The following LRP8 variants were observed in gnomAD, a reference collection of about 807,000 sequenced individuals.
LRP8 encodes low-density lipoprotein receptor-related protein 8.
In LRP8, 46 loss-of-function variants were observed where a neutral mutation model predicts 111.6. That is an observed-to-expected ratio of 0.41 (90% CI 0.33 to 0.53). The LOEUF (loss-of-function observed/expected upper bound fraction) is 0.53. Among genes scored for constraint, LRP8 ranks in the 20% least tolerant of loss-of-function variants. The pLI, the probability that LRP8 is intolerant of heterozygous loss-of-function variation, is 0.20. For synonymous variants in LRP8, 464 were observed against 511.2 expected, an observed-to-expected ratio of 0.91 and a Z score of 1.24; for missense variants, 959 against 1,297.4, an observed-to-expected ratio of 0.74 and a Z score of 4.01.
In LRP8 at chr1:53,250,575, G is replaced by T; in HGVS notation, c.2676+115C>A. ...GGAAGGAAAGGAGGGAGGGAAGGAC[G>T]GAAGGAAGGAAGGGAGGGAAGAAAG... On this transcript the variant is annotated intron_variant, in intron 17 of 18. Transcript: ENST00000306052. The surrounding 1 kb of genome is among the most constrained non-coding windows in gnomAD (Gnocchi z 4.6). 1 of 852,286 alleles carries T rather than the reference G, an allele frequency of 1.2e-6. No homozygotes were observed. The highest frequency in any genetic ancestry group is 1.8e-6 in the Non-Finnish European group (1 of 542,444). 52.8% of individuals were successfully genotyped at this position (852,286 alleles called of 1,614,324 possible).
chr1:53,277,641 C>T (rs547143984), intron 4 of LRP8, among the ~76,000 whole-genome samples: 1 of 152,184 alleles, frequency 6.6e-6, no homozygotes, highest in African/African-American at 2.4e-5. Flanking sequence ...AGCCTTTACT[C>T]AAGTTGCTCC....
chr1:53,327,528 C>T (rs1655310174), intron 1 of LRP8: 5 of 401,028 alleles, frequency 1.2e-5, no homozygotes, highest in East Asian at 4.4e-5. Flanking sequence ...GCCGCCCCTC[C>T]GGCAAAGTTC....
rs188057633 is a variant in LRP8 at position 53,279,912 on chromosome 1, C to A, written c.496+675G>T. Among the ~76,000 whole-genome samples, 724 of 152,374 alleles carry A rather than the reference C, an allele frequency of 4.8e-3. 2 individuals are homozygous for A. Among genetic ancestry groups the A allele is most frequent in the Admixed American group, 6.5e-3 (99 of 15,312 alleles). The stretch of plus-strand genomic sequence containing the variant: ...GCCCCTCGAATTGAAAAAGTGAGGC[C>A]TGGCCATGCTCCCCAATGGCCCAGG... On this transcript the variant is annotated intron_variant, in intron 4 of 18. Coordinates refer to ENST00000306052, the MANE Select transcript of LRP8 (RefSeq NM_004631.5). This position sits in a 1 kb window ranked among gnomAD's most constrained non-coding sequence, Gnocchi z 4.4.
In LRP8 at chr1:53,275,738, C is replaced by A. The variant is rs143898843; in HGVS notation, c.899G>T (p.Arg300Leu). The A allele has an allele frequency of 2.5e-6, 4 of 1,613,896 alleles. No homozygotes were observed. Among genetic ancestry groups the A allele is most frequent in the African/African-American group, 2.7e-5 (2 of 74,922 alleles). ...ATCCCCACACTGGAACTCGTCCCCACGGCAGGTGCCCAGTGCTGCCAGGAG... is the reference window on the plus strand; with the variant it reads ...ATCCCCACACTGGAACTCGTCCCCAAGGCAGGTGCCCAGTGCTGCCAGGAG... ...DEADCPLGTCRGDEFQCGDGT... is the reference protein window; with the variant it reads ...DEADCPLGTCLGDEFQCGDGT... The change falls in exon 6 of 19, where the codon CGT becomes CTT. Residue 300 changes from arginine to leucine, a missense_variant. By Grantham distance (102) the Arg-to-Leu change is moderately radical (BLOSUM62 -2). This residue lies in a region of LRP8 where 819 missense variants were observed against 1,097.6 expected (regional missense o/e 0.75). Transcript: ENST00000306052. The surrounding 1 kb of genome is among the most constrained non-coding windows in gnomAD (Gnocchi z 4.4).
In LRP8 at chr1:53,243,710, C is replaced by T. The variant is rs574066860; in HGVS notation, c.*3308G>A. Reference sequence around the variant, plus strand: ...TCTTTCATACCTCTGTGTTTTAGCTCGATGTGTCTCTGTCTGAAGCAGCTT... The same window carrying T: ...TCTTTCATACCTCTGTGTTTTAGCTTGATGTGTCTCTGTCTGAAGCAGCTT... On this transcript the variant is annotated 3_prime_UTR_variant, in exon 19 of 19. Coordinates refer to ENST00000306052, the MANE Select transcript of LRP8 (RefSeq NM_004631.5). 9 of 152,252 alleles carry T rather than the reference C, an allele frequency of 5.9e-5. No individual in the cohort carries two copies. Among genetic ancestry groups the T allele is most frequent in the African/African-American group, 1.7e-4 (7 of 41,524 alleles). 9.4% of individuals were successfully genotyped at this position (152,252 alleles called of 1,614,324 possible).
chr1:53,276,473 C>T (rs1646920822), intron 5 of LRP8, among the ~76,000 whole-genome samples: 1 of 152,202 alleles, frequency 6.6e-6, no homozygotes, highest in East Asian at 1.9e-4. Context: ...GACACAGATA[C>T]CAGTGGAGGC....
At chr1:53,315,639 C>T (rs771110763) in intron 2 of LRP8, among the ~76,000 whole-genome samples, 4 of 152,036 alleles carry the variant, frequency 2.6e-5, no homozygotes, top group Non-Finnish European at 4.4e-5. Flanking sequence ...AGGGGCCCGT[C>T]CTGGGGACTT....
chr1:53,304,990 ACTACAG>A (rs749465642), intron 2 of LRP8: 4 of 152,272 alleles, frequency 2.6e-5, no homozygotes, highest in Non-Finnish European at 4.4e-5. Flanking sequence ...GACAGGTCCC[ACTACAG>A]CTTGAAGAGG....
At chr1:53,305,565 C>A (rs145328289) in intron 2 of LRP8, 1 of 152,380 alleles carries the variant, frequency 6.6e-6, no homozygotes, top group South Asian at 2.1e-4. Flanking sequence ...AGAAAAAGGT[C>A]AAGGCGGGTG....
At chr1:53,313,403 G>A (rs1203194657) in intron 2 of LRP8, among the ~76,000 whole-genome samples, 2 of 123,838 alleles carry the variant, frequency 1.6e-5, no homozygotes, top group East Asian at 2.3e-4. Flanking sequence ...GTGCACACTC[G>A]GAGCCCAGAG....
chr1:53,313,400 C>T (rs768849601), intron 2 of LRP8, among the ~76,000 whole-genome samples: 6 of 123,812 alleles, frequency 4.8e-5, no homozygotes, highest in Non-Finnish European at 1.1e-4. Context: ...ACAGTGCACA[C>T]TCGGAGCCCA....
rs1306962586 is a variant in LRP8 at position 53,274,768 on chromosome 1, C to G, written c.1006+863G>C. 3 of 456,316 alleles carry G rather than the reference C, an allele frequency of 6.6e-6. No individual in the cohort carries two copies. The Admixed American group carries it at 7.0e-5, about 11-fold the overall frequency. The allele number at this position is 456,316 out of a possible 1,614,324, so 28.3% of individuals were successfully genotyped here. ...GCACATCACACACTTTCCCGCCGTC[C>G]ACGCGCTTGCCACTCTTACACTGAA... is the stretch of plus-strand genomic sequence containing the variant. On this transcript the variant is annotated intron_variant, in intron 6 of 18. Coordinates refer to ENST00000306052, the MANE Select transcript of LRP8 (RefSeq NM_004631.5).
intron 2 of LRP8, among the ~76,000 whole-genome samples, chr1:53,318,890 T>C (rs1238336319): frequency 6.6e-6 from 1 of 152,218 alleles, no homozygotes; most frequent in Non-Finnish European, 1.5e-5. Context: ...GGGTGAGAAC[T>C]ACCTTCGTCC....
chr1:53,284,261 C>A, intron 3 of LRP8, among the ~76,000 whole-genome samples: 1 of 151,398 alleles, frequency 6.6e-6, no homozygotes, highest in African/African-American at 2.4e-5. Flanking sequence ...TTACTACATA[C>A]CCGGGCCACT....
chr1:53,328,055 T>C lies in LRP8; in HGVS notation c.-143A>G. The C allele has an allele frequency of 8.9e-6, 3 of 336,876 alleles. No homozygotes were observed. Among genetic ancestry groups the C allele is most frequent in the Non-Finnish European group, 1.3e-5 (3 of 239,604 alleles). The allele number at this position is 336,876 out of a possible 1,614,324, so 20.9% of individuals were successfully genotyped here. On this transcript the variant is annotated 5_prime_UTR_variant, in exon 1 of 19. Coordinates refer to ENST00000306052, the MANE Select transcript of LRP8 (RefSeq NM_004631.5). ...CGCCGCCGCTGCCGCCCGCCCCGGC[T>C]CCTCGGCTGCATTTCAAGCAGGTTC...
intron 2 of LRP8, among the ~76,000 whole-genome samples, chr1:53,299,051 G>A (rs1222207952): frequency 6.6e-6 from 1 of 152,240 alleles, no homozygotes; most frequent in Admixed American, 6.5e-5. Flanking sequence ...GGGCCAAGGA[G>A]GCCAGGCCCG....
chr1:53,310,231 C>T (rs1652748955), intron 2 of LRP8, among the ~76,000 whole-genome samples: 1 of 151,928 alleles, frequency 6.6e-6, no homozygotes, highest in Non-Finnish European at 1.5e-5. Context: ...GCAGATTCCA[C>T]CTCCAGAAAA....
At chr1:53,313,624 G>A (rs141920847) in intron 2 of LRP8, among the ~76,000 whole-genome samples, 17 of 152,274 alleles carry the variant, frequency 1.1e-4, no homozygotes, top group African/African-American at 3.4e-4. Flanking sequence ...AGGTGAGGCC[G>A]GACAAGCAGA....
intron 2 of LRP8, among the ~76,000 whole-genome samples, chr1:53,319,518 G>A (rs1038909942): frequency 7.9e-5 from 12 of 152,294 alleles, no homozygotes; most frequent in South Asian, 2.1e-4. Context: ...AGAGCATGCC[G>A]CATTCTATGC....
Sources: gnomAD v4.1 joint callset for allele counts (sites outside exome capture counted in the v4.1 genomes callset) on GRCh38, gnomAD v4.1.1 for gene constraint, gnomAD v4.1.1 regional missense constraint, Gnocchi (gnomAD v3.1) non-coding constraint, MANE v1.5 for transcripts, NCBI Gene and HGNC (gene_info 2026-07-23, HGNC 2026-07-21) for gene names.